The following GPR137C variants were observed in gnomAD, a reference collection of about 807,000 sequenced individuals.
The protein encoded by GPR137C is G protein-coupled receptor 137C.
GPR137C carries 27 observed loss-of-function variants against 43.4 expected under a neutral mutation model. The ratio of observed to expected loss-of-function variants is 0.62; its 90% CI spans 0.46 to 0.86. GPR137C has a LOEUF of 0.86. GPR137C is among the 40% of genes least tolerant of loss of function. The pLI is 0.00. For synonymous variants in GPR137C, 285 were observed against 226.9 expected, an observed-to-expected ratio of 1.26 and a Z score of -2.30; for missense variants, 522 against 534.6, an observed-to-expected ratio of 0.98 and a Z score of 0.23.
intron 3 of GPR137C, among the ~76,000 whole-genome samples, chr14:52,602,162 A>G (rs1234529822): frequency 3.3e-5 from 5 of 151,616 alleles, no homozygotes; most frequent in Non-Finnish European, 7.4e-5. Flanking sequence ...TTCAAAGAGC[A>G]TGTCATCTTG....
Position 52,553,240 on chromosome 14 carries a change from C to T in GPR137C, c.93C>T (p.Gly31=). The T allele has an allele frequency of 1.5e-6, 2 of 1,302,646 alleles. No individual in the cohort carries two copies. Among genetic ancestry groups the T allele is most frequent in the South Asian group, 2.3e-5 (1 of 43,982 alleles). The allele number at this position is 1,302,646 out of a possible 1,614,324, so 80.7% of individuals were successfully genotyped here. A position where few individuals can be genotyped will look rare whatever the true frequency, so the allele number is the denominator to read the frequency against. The change falls in exon 1 of 7, where the codon GGC becomes GGT. Residue 31 remains glycine, a synonymous_variant. Coordinates refer to ENST00000321662, the MANE Select transcript of GPR137C (RefSeq NM_001099652.2). ...CCGGCGGGGGCAGCGGAGGCGGAGG[C>T]GCCGTCGCTGCAGCCTCAGGCGCCG... The part of the protein sequence containing the change: ...STPGGGSGGG[G]AVAAASGAAV...
At chr14:52,627,847 A>T (rs2039246872) in intron 3 of GPR137C, among the ~76,000 whole-genome samples, 1 of 152,176 alleles carries the variant, frequency 6.6e-6, no homozygotes, top group African/African-American at 2.4e-5. Flanking sequence ...CGTCTCAAAA[A>T]ATATATGTAT....
At chr14:52,616,561 TG>T (rs1158574220) in intron 3 of GPR137C, among the ~76,000 whole-genome samples, 1 of 152,192 alleles carries the variant, frequency 6.6e-6, no homozygotes, top group African/African-American at 2.4e-5. Context: ...CCCAAAGTAC[TG>T]CAGTTACAGG....
intron 1 of GPR137C, among the ~76,000 whole-genome samples, chr14:52,575,810 A>G (rs2139470402): frequency 6.6e-6 from 1 of 152,262 alleles, no homozygotes; most frequent in East Asian, 1.9e-4. Flanking sequence ...TTTAATCTCT[A>G]AAGCTCAACT....
At chr14:52,621,380 C>T (rs1318372472) in intron 3 of GPR137C, among the ~76,000 whole-genome samples, 1 of 151,742 alleles carries the variant, frequency 6.6e-6, no homozygotes, top group Non-Finnish European at 1.5e-5. Context: ...AAGGGGATTA[C>T]TTACCAGCAT....
intron 6 of GPR137C, among the ~76,000 whole-genome samples, chr14:52,634,655 G>C (rs533284844): frequency 9.9e-5 from 15 of 152,198 alleles, no homozygotes; most frequent in African/African-American, 3.6e-4. Flanking sequence ...GAATAGAGCT[G>C]AGTACATAAG....
intron 1 of GPR137C, among the ~76,000 whole-genome samples, chr14:52,582,796 A>AAAAT (rs139421791): frequency 1.3e-5 from 2 of 152,122 alleles, no homozygotes; most frequent in Non-Finnish European, 2.9e-5. Context: ...TCTGTCTCCA[A>AAAAT]AAATAAATAA....
chr14:52,562,063 C>A (rs1358915488), intron 1 of GPR137C, among the ~76,000 whole-genome samples: 4 of 152,184 alleles, frequency 2.6e-5, no homozygotes, highest in African/African-American at 9.6e-5. Context: ...GTACAACCTG[C>A]AGCTCCATCA....
intron 1 of GPR137C, among the ~76,000 whole-genome samples, chr14:52,587,622 T>C (rs1472877471): frequency 6.6e-6 from 1 of 152,080 alleles, no homozygotes; most frequent in East Asian, 1.9e-4. Flanking sequence ...ATACAAAAAT[T>C]AACTGGGCAT....
intron 1 of GPR137C, among the ~76,000 whole-genome samples, chr14:52,594,973 G>A (rs1045525077): frequency 2.0e-5 from 3 of 152,138 alleles, no homozygotes; most frequent in Non-Finnish European, 4.4e-5. Context: ...TTCTTTCCAT[G>A]TTTAGTGCTT....
chr14:52,633,717 T>C, intron 5 of GPR137C, 62 bp downstream of exon 5: 2 of 1,575,970 alleles, frequency 1.3e-6, no homozygotes, highest in South Asian at 2.3e-5. Flanking sequence ...AACATTTATA[T>C]TGATTTTCTA....
At chr14:52,559,157 A>G (rs2038240065) in intron 1 of GPR137C, among the ~76,000 whole-genome samples, 1 of 152,118 alleles carries the variant, frequency 6.6e-6, no homozygotes, top group Non-Finnish European at 1.5e-5. Flanking sequence ...GCAGGCAGAT[A>G]CAAGGTCAGG....
At chr14:52,632,414 C>G in intron 4 of GPR137C, 105 bp downstream of exon 4, 5 of 757,986 alleles carry the variant, frequency 6.6e-6, no homozygotes, top group Non-Finnish European at 1.1e-5. Context: ...TATGGAATCT[C>G]TGTCTACTGT....
intron 3 of GPR137C, among the ~76,000 whole-genome samples, chr14:52,611,030 C>T (rs2039033379): frequency 6.6e-6 from 1 of 152,020 alleles, no homozygotes; most frequent in Non-Finnish European, 1.5e-5. Flanking sequence ...TTGGATTTTG[C>T]CATAATACTC....
intron 1 of GPR137C, among the ~76,000 whole-genome samples, chr14:52,596,389 TGTC>T (rs769536689): frequency 6.6e-6 from 1 of 152,244 alleles, no homozygotes; most frequent in Non-Finnish European, 1.5e-5. Context: ...CTGCAGAAGT[TGTC>T]TGCTGCCTTT....
At chr14:52,629,045 G>C (rs1347635918) in intron 3 of GPR137C, among the ~76,000 whole-genome samples, 3 of 152,102 alleles carry the variant, frequency 2.0e-5, no homozygotes, top group African/African-American at 7.2e-5. Context: ...AGTCATCTGG[G>C]AAATGCAAAT....
intron 1 of GPR137C, among the ~76,000 whole-genome samples, chr14:52,556,812 G>T (rs970818980): frequency 6.6e-6 from 1 of 151,962 alleles, no homozygotes; most frequent in Non-Finnish European, 1.5e-5. Flanking sequence ...AGAGTTGATG[G>T]TATACCATCT....
Position 52,553,450 on chromosome 14 carries a change from C to T in GPR137C, c.303C>T (p.Ser101=), listed in dbSNP as rs1288656470. Residue 101 remains serine, a synonymous_variant, in exon 1 of 7, where the codon TCC becomes TCT. Transcript: ENST00000321662. Reference sequence around the variant, plus strand: ...CAGCGCTCAGGACCACCCTCTTCTCCGCCGCCTTCTCGCTCAGCGGCTCCC... The same window carrying T: ...CAGCGCTCAGGACCACCCTCTTCTCTGCCGCCTTCTCGCTCAGCGGCTCCC... ...LWAALRTTLF[S]AAFSLSGSLP... is the part of the protein sequence containing the mutation. 1.2e-6 allele frequency: 2 copies of T among 1,609,102 alleles called. No individual in the cohort carries two copies. The highest frequency in any genetic ancestry group is 1.3e-5 in the African/African-American group (1 of 75,064).
intron 3 of GPR137C, among the ~76,000 whole-genome samples, chr14:52,622,677 G>A (rs2039174130): frequency 6.6e-6 from 1 of 151,856 alleles, no homozygotes; most frequent in South Asian, 2.1e-4. Flanking sequence ...GGTGTTCTAT[G>A]AAAAAAAGTG....
Sources: allele counts gnomAD v4.1 joint callset (sites outside exome capture counted in the v4.1 genomes callset), GRCh38; gene constraint gnomAD v4.1.1; transcripts MANE v1.5; gene names NCBI Gene and HGNC (gene_info 2026-07-23, HGNC 2026-07-21).